SYNE2: variants seen among roughly 807,000 people sequenced by gnomAD.
SYNE2 encodes the protein nesprin-2.
In SYNE2, 431 loss-of-function variants were observed where a neutral mutation model predicts 856.3. That is an observed-to-expected ratio of 0.50 (90% CI 0.47 to 0.55). The LOEUF is 0.55. SYNE2 is among the 20% of genes least tolerant of loss of function. The probability of loss-of-function intolerance (pLI) is 0.00; values close to 1 mark genes in which losing one functional copy is unlikely to be tolerated. For missense variants in SYNE2, 8,129 were observed against 8,023.2 expected, an observed-to-expected ratio of 1.01 and a Z score of -0.50; for synonymous variants, 2,923 against 2,872.3, an observed-to-expected ratio of 1.02 and a Z score of -0.56.
intron 1 of SYNE2, among the ~76,000 whole-genome samples, chr14:63,810,945 C>T (rs1888591899): frequency 6.6e-6 from 1 of 152,070 alleles, no homozygotes; most frequent in African/African-American, 2.4e-5. Flanking sequence ...AGCGATTCTC[C>T]TGCCTCAGCC....
chr14:64,019,908 T>C, intron 34 of SYNE2, 84 bp from the exon 35 acceptor site: 1 of 911,950 alleles, frequency 1.1e-6, no homozygotes, highest in Non-Finnish European at 1.8e-6. Context: ...TCTCAGTTTC[T>C]ATATATAAAC....
intron 57 of SYNE2, among the ~76,000 whole-genome samples, chr14:64,081,918 C>G (rs1006794537): frequency 6.6e-6 from 1 of 152,086 alleles, no homozygotes; most frequent in Non-Finnish European, 1.5e-5. Flanking sequence ...AACCCTGTCT[C>G]TACTAAAAAT....
chr14:64,189,101 A>C (rs1296060850), intron 98 of SYNE2: 2 of 643,150 alleles, frequency 3.1e-6, no homozygotes, highest in African/African-American at 3.6e-5. Flanking sequence ...TGGGAGGCCA[A>C]GGCGGGTGGA....
intron 83 of SYNE2, among the ~76,000 whole-genome samples, 156 bp downstream of exon 83, chr14:64,144,104 CATTGGTACCT>C (rs1464849611): frequency 1.3e-5 from 2 of 152,100 alleles, no homozygotes; most frequent in African/African-American, 4.8e-5. Flanking sequence ...TAGCATTCTC[CATTGGTACCT>C]ATAAGAGAAT....
At chr14:63,880,850 ATT>A in intron 1 of SYNE2, among the ~76,000 whole-genome samples, 1 of 137,932 alleles carries the variant, frequency 7.2e-6, no homozygotes, top group Non-Finnish European at 1.6e-5. Flanking sequence ...TTTAAAAAAA[ATT>A]TTTTTTTTTT....
Position 63,941,717 on chromosome 14 carries a change from C to G in SYNE2, c.164C>G (p.Ser55Cys), listed in dbSNP as rs755793819. 1 of 1,614,096 alleles carries G rather than the reference C, an allele frequency of 6.2e-7. No individual in the cohort carries two copies. Among genetic ancestry groups the G allele is most frequent in the Admixed American group, 1.7e-5 (1 of 60,008 alleles). Residue 55 changes from serine to cysteine, a missense_variant, in exon 4 of 116, where the codon TCC (serine) becomes TGC (cysteine). By Grantham distance (112) the Ser-to-Cys change is moderately radical. Transcript: ENST00000555002. ...CAGCACACTTCTCCCTCAGTTATAT[C>G]CGACCTATTCACAGACATTAAAAAG... ...LARHTSPSVI[S>C]DLFTDIKKGH...
chr14:64,120,060 A>G (rs561597082), intron 67 of SYNE2, among the ~76,000 whole-genome samples: 68 of 152,364 alleles, frequency 4.5e-4, no homozygotes, highest in African/African-American at 1.5e-3. Flanking sequence ...TCAAAGTATC[A>G]TATAAAGTGT....
intron 1 of SYNE2, among the ~76,000 whole-genome samples, chr14:63,886,438 C>T (rs1411555466): frequency 6.6e-6 from 1 of 151,904 alleles, no homozygotes; most frequent in East Asian, 1.9e-4. Flanking sequence ...AATTTTCTTC[C>T]TTTTTTTAAA....
chr14:64,223,050 A>G (rs2098702308), intron 112 of SYNE2, 139 bp from the exon 113 acceptor site: 4 of 796,830 alleles, frequency 5.0e-6, no homozygotes, highest in Non-Finnish European at 8.5e-6. Context: ...ACAGGCAGAT[A>G]TGAGAAATAG....
chr14:64,063,692 A>G (rs1295789103), intron 50 of SYNE2, among the ~76,000 whole-genome samples: 1 of 152,254 alleles, frequency 6.6e-6, no homozygotes, highest in African/African-American at 2.4e-5. Flanking sequence ...AATCATCTGT[A>G]GTTAACATTC....
intron 45 of SYNE2, 109 bp downstream of exon 45, chr14:64,031,466 T>G: frequency 1.0e-6 from 1 of 968,360 alleles, no homozygotes; most frequent in Non-Finnish European, 1.6e-6. Flanking sequence ...AATTAAATCC[T>G]CAATGTCCTG....
At chr14:63,995,676 G>A (rs138921286) in intron 23 of SYNE2, among the ~76,000 whole-genome samples, 3 of 151,914 alleles carry the variant, frequency 2.0e-5, no homozygotes, top group East Asian at 1.9e-4. Flanking sequence ...AGTTTCTACT[G>A]TTGTGGCTCT....
intron 1 of SYNE2, among the ~76,000 whole-genome samples, chr14:63,772,472 G>A (rs370295541): frequency 6.6e-6 from 1 of 152,044 alleles, no homozygotes; most frequent in Non-Finnish European, 1.5e-5. Context: ...GGTCAGGCGC[G>A]GTGACTCACA....
chr14:64,053,056 A>G lies in SYNE2; in HGVS notation c.9143A>G (p.Tyr3048Cys). ...LDTFEEEHGK[Y>C]QALLSKMRAI... ...ACATTTGAGGAAGAACATGGCAAAT[A>G]TCAGGCATTATTAAGTAAAATGAGA... The change falls in exon 48 of 116, where the codon TAT becomes TGT. Residue 3048 changes from tyrosine (Y) to cysteine (C), a missense_variant. This residue lies in a region of SYNE2 where 5,410 missense variants were observed against 5,284.8 expected (regional missense o/e 1.02). Transcript: ENST00000555002. 1.9e-6 allele frequency: 3 copies of G among 1,614,120 alleles called. No individual in the cohort carries two copies. The highest frequency in any genetic ancestry group is 1.7e-4 in the Middle Eastern group (1 of 6,060).
intron 2 of SYNE2, among the ~76,000 whole-genome samples, chr14:63,939,119 T>G (rs1226881974): frequency 1.3e-5 from 2 of 152,140 alleles, no homozygotes; most frequent in African/African-American, 2.4e-5. Context: ...GGGCCTGTGC[T>G]TATCTCTGCC....
intron 70 of SYNE2, among the ~76,000 whole-genome samples, chr14:64,123,053 C>T (rs1347366753): frequency 6.6e-6 from 1 of 151,230 alleles, no homozygotes; most frequent in Non-Finnish European, 1.5e-5. Context: ...GAGCTGAGAT[C>T]GCGCCATTGC....
intron 66 of SYNE2, among the ~76,000 whole-genome samples, chr14:64,116,577 C>A (rs1487431638): frequency 6.6e-6 from 1 of 152,144 alleles, no homozygotes; most frequent in Non-Finnish European, 1.5e-5. Context: ...ACCACAGCAT[C>A]TGGCTAATTT....
intron 31 of SYNE2, among the ~76,000 whole-genome samples, chr14:64,008,368 T>C (rs558224591): frequency 6.6e-6 from 1 of 152,250 alleles, no homozygotes; most frequent in East Asian, 1.9e-4. Flanking sequence ...GCCCAGGACA[T>C]CTTTGGGAAT....
chr14:63,989,298 G>C (rs1016485173), intron 19 of SYNE2, among the ~76,000 whole-genome samples: 1 of 152,016 alleles, frequency 6.6e-6, no homozygotes, highest in Non-Finnish European at 1.5e-5. Context: ...CTTAGGCTTC[G>C]AAAGACCCTC....
Sources: allele counts gnomAD v4.1 joint callset (sites outside exome capture counted in the v4.1 genomes callset), GRCh38; gene constraint gnomAD v4.1.1; regional missense constraint gnomAD v4.1.1; transcripts MANE v1.5; gene names NCBI Gene and HGNC (gene_info 2026-07-23, HGNC 2026-07-21).